TESK2: variants seen among roughly 807,000 people sequenced by gnomAD.
The protein encoded by TESK2 is testis associated actin remodelling kinase 2, also known as dual specificity testis-specific protein kinase 2.
A neutral mutation model predicts 57.1 loss-of-function variants in TESK2; 39 were observed. That is an observed-to-expected ratio of 0.68 (90% CI 0.53 to 0.89). TESK2 has a LOEUF of 0.89. Ranked by LOEUF, TESK2 falls within the 40% of genes least tolerant of loss-of-function variation. The pLI is 0.00. For missense variants in TESK2, 646 were observed against 732.1 expected, an observed-to-expected ratio of 0.88 and a Z score of 1.36; for synonymous variants, 249 against 267.9, an observed-to-expected ratio of 0.93 and a Z score of 0.69.
At chr1:45,433,459 TG>T (rs986184914) in intron 2 of TESK2, among the ~76,000 whole-genome samples, 1 of 152,160 alleles carries the variant, frequency 6.6e-6, no homozygotes, top group African/African-American at 2.4e-5. Flanking sequence ...TCCCAGCCTC[TG>T]GTAACTATCA....
At chr1:45,460,469 G>T (rs185073994) in intron 1 of TESK2, among the ~76,000 whole-genome samples, 2 of 152,100 alleles carry the variant, frequency 1.3e-5, no homozygotes, top group Non-Finnish European at 2.9e-5. Context: ...GCAGTGAGCC[G>T]AGATCATGCC....
chr1:45,354,027 C>A (rs1380929936), intron 5 of TESK2, among the ~76,000 whole-genome samples: 1 of 152,190 alleles, frequency 6.6e-6, no homozygotes, highest in Non-Finnish European at 1.5e-5. Context: ...TCACTGAACT[C>A]CTGCTCTTAG....
chr1:45,479,591 G>A (rs1172912615), intron 1 of TESK2, among the ~76,000 whole-genome samples: 2 of 151,436 alleles, frequency 1.3e-5, no homozygotes, highest in East Asian at 1.9e-4. Context: ...ACCACGCCCA[G>A]CCCCCCCAAA....
chr1:45,472,558 CAA>C lies in TESK2; in HGVS notation c.-86-14689_-86-14688del, dbSNP rs11294894. ...GGGGGACAAGAGCAAAACTCCATCT[CAA>C]AAAAAAAAAAAAAAAAGGTGATCAA... On this transcript the variant is annotated intron_variant, in intron 1 of 10. Coordinates refer to ENST00000372086, the MANE Select transcript of TESK2 (RefSeq NM_007170.3). Among the ~76,000 whole-genome samples the C allele has an allele frequency of 9.8e-3, 1,048 of 106,992 alleles. 4 individuals carry two copies. The highest frequency in any genetic ancestry group is 0.027 in the African/African-American group (802 of 29,292). The allele number at this position is 106,992 out of a possible 152,430, so 70.2% of individuals were successfully genotyped here.
chr1:45,362,904 C>T lies in TESK2; in HGVS notation c.394-7455G>A, dbSNP rs117090337. Among the ~76,000 whole-genome samples the T allele has an allele frequency of 2.4e-3, 358 of 151,274 alleles. 7 individuals carry two copies. In the East Asian group the frequency reaches 0.032, roughly 13 times the overall value. ...CAACTAACACTTTTTTTTTTTCACA[C>T]AGGAGAATAACATGATCAGATATGC... On this transcript the variant is annotated intron_variant, in intron 4 of 10. Transcript: ENST00000372086.
chr1:45,358,205 C>T (rs560006086), intron 4 of TESK2, among the ~76,000 whole-genome samples: 35 of 150,964 alleles, frequency 2.3e-4, no homozygotes, highest in African/African-American at 8.0e-4. Context: ...CCCAGCTACT[C>T]GGGAAGTTGA....
chr1:45,402,822 T>G (rs1257176635), intron 3 of TESK2, among the ~76,000 whole-genome samples: 3 of 152,152 alleles, frequency 2.0e-5, no homozygotes, highest in Non-Finnish European at 4.4e-5. Context: ...AATTTTTATC[T>G]AATTTCCTCT....
At chr1:45,437,871 C>T (rs1386833861) in intron 2 of TESK2, among the ~76,000 whole-genome samples, 2 of 152,156 alleles carry the variant, frequency 1.3e-5, no homozygotes, top group African/African-American at 4.8e-5. Flanking sequence ...ACAAGCAAAG[C>T]TTCTTGGTTA....
intron 3 of TESK2, among the ~76,000 whole-genome samples, chr1:45,417,480 C>T (rs1379352933): frequency 6.6e-6 from 1 of 152,130 alleles, no homozygotes; most frequent in African/African-American, 2.4e-5. Flanking sequence ...ATCCACCTGC[C>T]TCGGCCTTCC....
At chr1:45,399,337 GGA>G (rs1177563837) in intron 3 of TESK2, among the ~76,000 whole-genome samples, 3 of 150,518 alleles carry the variant, frequency 2.0e-5, no homozygotes, top group Non-Finnish European at 4.4e-5. Flanking sequence ...TTTTTGAGAT[GGA>G]GTTTTGCTCT....
At chr1:45,396,700 G>A (rs1649375316) in intron 3 of TESK2, among the ~76,000 whole-genome samples, 1 of 151,528 alleles carries the variant, frequency 6.6e-6, no homozygotes, top group South Asian at 2.1e-4. Flanking sequence ...CGTTGGCCAG[G>A]CTGGTCTCGA....
chr1:45,447,898 T>C (rs1406509867), intron 2 of TESK2, among the ~76,000 whole-genome samples: 1 of 152,082 alleles, frequency 6.6e-6, no homozygotes, highest in Non-Finnish European at 1.5e-5. Context: ...GAAATGTCAT[T>C]ATGACTGTAT....
intron 3 of TESK2, among the ~76,000 whole-genome samples, chr1:45,403,456 T>C (rs1410073457): frequency 1.3e-5 from 2 of 152,146 alleles, no homozygotes; most frequent in African/African-American, 4.8e-5. Flanking sequence ...AAAACTCAGC[T>C]GAACAGACAT....
intron 9 of TESK2, 113 bp from the exon 10 acceptor site, chr1:45,346,107 T>C: frequency 1.2e-6 from 1 of 805,832 alleles, no homozygotes; most frequent in Non-Finnish European, 2.1e-6. Flanking sequence ...TGAGAGACCT[T>C]TTCTAAAGGC....
chr1:45,347,239 G>C (rs955148497), intron 7 of TESK2, among the ~76,000 whole-genome samples, 177 bp from the exon 8 acceptor site: 22 of 152,092 alleles, frequency 1.4e-4, no homozygotes, highest in Admixed American at 6.5e-4. Context: ...GCTCTTGGTA[G>C]GAACATCTTG....
chr1:45,488,680 T>C (rs1653584615), intron 1 of TESK2, among the ~76,000 whole-genome samples: 1 of 152,198 alleles, frequency 6.6e-6, no homozygotes, highest in South Asian at 2.1e-4. Flanking sequence ...ACCTGGCATA[T>C]AGTATATTCT....
intron 3 of TESK2, among the ~76,000 whole-genome samples, chr1:45,419,977 T>C (rs1201013910): frequency 2.0e-5 from 3 of 152,198 alleles, no homozygotes; most frequent in Non-Finnish European, 4.4e-5. Context: ...TGACCAAACA[T>C]GTAAGTCATA....
intron 5 of TESK2, among the ~76,000 whole-genome samples, chr1:45,348,776 T>C (rs1647189499): frequency 6.6e-6 from 1 of 152,148 alleles, no homozygotes; most frequent in African/African-American, 2.4e-5. Flanking sequence ...TCATCTCAAC[T>C]CTTAGCTCCT....
intron 4 of TESK2, among the ~76,000 whole-genome samples, chr1:45,381,563 A>G (rs1648653184): frequency 6.6e-6 from 1 of 152,100 alleles, no homozygotes; most frequent in African/African-American, 2.4e-5. Context: ...CTCCCAGCAA[A>G]TTTCAGCCTA....
Sources: allele counts gnomAD v4.1 joint callset (sites outside exome capture counted in the v4.1 genomes callset), GRCh38; gene constraint gnomAD v4.1.1; transcripts MANE v1.5; gene names NCBI Gene and HGNC (gene_info 2026-07-23, HGNC 2026-07-21).